FAM24B: variants seen among roughly 807,000 people sequenced by gnomAD.
The protein encoded by FAM24B is protein FAM24B.
A neutral mutation model predicts 2.3 loss-of-function variants in FAM24B; 3 were observed. That is an observed-to-expected ratio of 1.29 (90% confidence interval 0.59 to 3.32). The LOEUF is 3.32. Among genes scored for constraint, FAM24B ranks in the 30% most tolerant of loss-of-function variants. The pLI is 0.03. For missense variants in FAM24B, 98 were observed against 117.2 expected (o/e 0.84, Z 0.76); for synonymous variants, 36 against 46.3 (o/e 0.78, Z 0.90).
Position 122,849,314 on chromosome 10 carries a change from C to G in FAM24B, c.218G>C (p.Gly73Ala). 6.2e-7 allele frequency: 1 copy of G among 1,610,066 alleles called. No individual in the cohort carries two copies. The highest frequency in any genetic ancestry group is 8.5e-7 in the Non-Finnish European group (1 of 1,178,002). Residue 73 changes from glycine to alanine, a missense_variant, in exon 4 of 4, where the codon GGA becomes GCA. Coordinates refer to ENST00000368898, the MANE Select transcript of FAM24B (RefSeq NM_152644.3). ...ESCPALQCCE[G>A]YRMCASFDSL... ...ATCAAAACTGGCACACATTCTATAT[C>G]CTTCACAGCACTGCAGGGCAGGACA...
At chr10:122,869,730 A>C (rs1847860826) in intron 1 of FAM24B, among the ~76,000 whole-genome samples, 1 of 152,180 alleles carries the variant, frequency 6.6e-6, no homozygotes, top group Non-Finnish European at 1.5e-5. Flanking sequence ...GGTTCTTTGA[A>C]ACCAACGAGA....
At chr10:122,854,107 C>T (rs1454847598) in intron 2 of FAM24B, among the ~76,000 whole-genome samples, 5 of 152,188 alleles carry the variant, frequency 3.3e-5, no homozygotes, top group African/African-American at 7.2e-5. Flanking sequence ...CTTTTTCTGA[C>T]TGAGCCTCTA....
At chr10:122,875,299 C>T (rs1012702185) in intron 1 of FAM24B, among the ~76,000 whole-genome samples, 8 of 152,186 alleles carry the variant, frequency 5.3e-5, no homozygotes, top group Non-Finnish European at 1.0e-4. Context: ...TTCCATATCT[C>T]TGCTTACATT....
intron 2 of FAM24B, among the ~76,000 whole-genome samples, chr10:122,851,648 A>G (rs1052325226): frequency 3.9e-5 from 6 of 152,250 alleles, no homozygotes; most frequent in Non-Finnish European, 8.8e-5. Flanking sequence ...GTTTTAGTTA[A>G]GAGTCTGATT....
At chr10:122,877,231 G>T (rs779183200) in intron 1 of FAM24B, among the ~76,000 whole-genome samples, 40 of 152,204 alleles carry the variant, frequency 2.6e-4, no homozygotes, top group Non-Finnish European at 4.4e-4. Flanking sequence ...GGTTCTTCCT[G>T]CCTGCTACAC....
chr10:122,869,242 A>AAT (rs1445737507), intron 1 of FAM24B, among the ~76,000 whole-genome samples: 2 of 152,194 alleles, frequency 1.3e-5, no homozygotes, highest in Admixed American at 6.5e-5. Flanking sequence ...AACTATCCTA[A>AAT]ATATATATGC....
chr10:122,874,091 C>G (rs1335646425), intron 1 of FAM24B, among the ~76,000 whole-genome samples: 1 of 152,104 alleles, frequency 6.6e-6, no homozygotes, highest in African/African-American at 2.4e-5. Context: ...GTGTATTCTG[C>G]TATTGTTGAC....
chr10:122,879,262 A>G (rs538176925), intron 1 of FAM24B, among the ~76,000 whole-genome samples: 3 of 152,368 alleles, frequency 2.0e-5, no homozygotes, highest in Admixed American at 6.5e-5. Flanking sequence ...ACGCCGTTCA[A>G]TATCTACCTC....
At chr10:122,850,733 G>T (rs1847519756) in intron 2 of FAM24B, 183 bp from the exon 3 acceptor site, 2 of 494,712 alleles carry the variant, frequency 4.0e-6, no homozygotes, top group Non-Finnish European at 7.3e-6. Context: ...TGGAAAAAAA[G>T]AAATAAAAAA....
At chr10:122,864,323 T>G (rs1002636553) in intron 1 of FAM24B, among the ~76,000 whole-genome samples, 2 of 152,226 alleles carry the variant, frequency 1.3e-5, no homozygotes, top group Non-Finnish European at 2.9e-5. Flanking sequence ...CATATTTCAC[T>G]TGCTTTTTTA....
At chr10:122,854,318 G>A (rs979427158) in intron 2 of FAM24B, among the ~76,000 whole-genome samples, 5 of 152,310 alleles carry the variant, frequency 3.3e-5, no homozygotes, top group African/African-American at 1.2e-4. Flanking sequence ...TGAAAGATGA[G>A]GAAACTAAAG....
intron 2 of FAM24B, among the ~76,000 whole-genome samples, chr10:122,851,232 C>T (rs1008857219): frequency 1.3e-5 from 2 of 152,150 alleles, no homozygotes; most frequent in African/African-American, 4.8e-5. Flanking sequence ...ATACTTACCA[C>T]CTTCTAACTC....
chr10:122,870,833 T>C (rs1332680289), intron 1 of FAM24B, among the ~76,000 whole-genome samples: 1 of 152,200 alleles, frequency 6.6e-6, no homozygotes, highest in Non-Finnish European at 1.5e-5. Context: ...AATATCATAC[T>C]GAATGGACAA....
intron 1 of FAM24B, among the ~76,000 whole-genome samples, chr10:122,872,044 C>T (rs1353402549): frequency 1.3e-5 from 2 of 151,874 alleles, no homozygotes; most frequent in Non-Finnish European, 2.9e-5. Context: ...ACTCATCTGA[C>T]AAAGGGCTAA....
chr10:122,864,815 T>A lies in FAM24B; in HGVS notation c.-177-9029A>T, dbSNP rs1442803042. ...CCAGAATGTCACATAGTTGGAACCATATAGTATGTAGCCTTTTAAGGCTAA... is the reference window on the plus strand; with the variant it reads ...CCAGAATGTCACATAGTTGGAACCAAATAGTATGTAGCCTTTTAAGGCTAA... On this transcript the variant is annotated intron_variant, in intron 1 of 3. Coordinates refer to ENST00000368898, the MANE Select transcript of FAM24B (RefSeq NM_152644.3). 2.0e-5 allele frequency among the ~76,000 whole-genome samples: 3 copies of A among 152,266 alleles called. No homozygotes were observed. The East Asian group carries it at 5.8e-4, about 29-fold the overall frequency.
At chr10:122,877,010 TA>T (rs1196326014) in intron 1 of FAM24B, among the ~76,000 whole-genome samples, 1 of 152,214 alleles carries the variant, frequency 6.6e-6, no homozygotes, top group Non-Finnish European at 1.5e-5. Flanking sequence ...AAGTTATATA[TA>T]ATAAACTTCT....
At chr10:122,872,128 T>C (rs565137157) in intron 1 of FAM24B, among the ~76,000 whole-genome samples, 45 of 152,288 alleles carry the variant, frequency 3.0e-4, no homozygotes, top group African/African-American at 1.1e-3. Context: ...GGGCGAAGGA[T>C]ATGAACAGAC....
intron 1 of FAM24B, among the ~76,000 whole-genome samples, chr10:122,864,268 T>G (rs1048322501): frequency 2.6e-5 from 4 of 152,208 alleles, no homozygotes; most frequent in African/African-American, 7.2e-5. Flanking sequence ...AACCTTAGCT[T>G]CTTCATACTT....
intron 2 of FAM24B, among the ~76,000 whole-genome samples, chr10:122,853,978 T>C (rs553520429): frequency 6.6e-6 from 1 of 152,272 alleles, no homozygotes; most frequent in Non-Finnish European, 1.5e-5. Context: ...AAGGTGTCTG[T>C]GAGCTCTGTG....
Sources: gnomAD v4.1 joint callset for allele counts (sites outside exome capture counted in the v4.1 genomes callset) on GRCh38, gnomAD v4.1.1 for gene constraint, MANE v1.5 for transcripts, NCBI Gene and HGNC (gene_info 2026-07-23, HGNC 2026-07-21) for gene names.